The following CCDC171 variants were observed in gnomAD, a reference collection of about 807,000 sequenced individuals.
The protein encoded by CCDC171 is coiled-coil domain containing 171, also known as coiled-coil domain-containing protein 171.
CCDC171 carries 177 observed loss-of-function variants against 168.2 expected under a neutral mutation model. That is an observed-to-expected ratio of 1.05 (90% CI 0.93 to 1.19). The LOEUF (loss-of-function observed/expected upper bound fraction) is 1.19. Among genes scored for constraint, CCDC171 ranks in the 50% most tolerant of loss-of-function variants. CCDC171 has a pLI of 0.00. For synonymous variants in CCDC171, 687 were observed against 540.8 expected, an observed-to-expected ratio of 1.27 and a Z score of -3.75; for missense variants, 1,991 against 1,539.0, an observed-to-expected ratio of 1.29 and a Z score of -4.91.
intron 24 of CCDC171, among the ~76,000 whole-genome samples, chr9:15,894,743 A>C (rs1039101739): frequency 2.0e-5 from 3 of 151,974 alleles, no homozygotes; most frequent in African/African-American, 7.2e-5. Context: ...TCACTCCTTC[A>C]CTTCATTTAT....
chr9:15,905,172 C>G (rs11521290), intron 24 of CCDC171, among the ~76,000 whole-genome samples: 10 of 143,750 alleles, frequency 7.0e-5, no homozygotes, highest in African/African-American at 1.8e-4. Context: ...CCAAGCAGAC[C>G]TAATAGACAT....
At chr9:16,070,910 G>A in the CCDC171 span, among the ~76,000 whole-genome samples, 1 of 152,168 alleles carries the variant, frequency 6.6e-6, no homozygotes, top group Non-Finnish European at 1.5e-5. Context: ...TTTGGATGGG[G>A]GATTTTTGGC....
intron 24 of CCDC171, among the ~76,000 whole-genome samples, chr9:15,896,242 A>C (rs184879327): frequency 1.7e-4 from 26 of 152,118 alleles, no homozygotes; most frequent in Non-Finnish European, 3.5e-4. Context: ...TGGCACATTT[A>C]AGTTGTATAT....
chr9:15,884,311 C>T (rs568185486), intron 24 of CCDC171, among the ~76,000 whole-genome samples: 3 of 152,148 alleles, frequency 2.0e-5, no homozygotes, highest in South Asian at 4.2e-4. Context: ...AAAATTAAAT[C>T]GCACTAATAA....
At chr9:16,098,210 A>C in the CCDC171 span, among the ~76,000 whole-genome samples, 1 of 152,148 alleles carries the variant, frequency 6.6e-6, no homozygotes, top group Non-Finnish European at 1.5e-5. Context: ...CTAATGCATA[A>C]AATGGGGCTA....
At chr9:15,754,524 C>T (rs1056935885) in intron 18 of CCDC171, among the ~76,000 whole-genome samples, 4 of 152,032 alleles carry the variant, frequency 2.6e-5, no homozygotes, top group East Asian at 1.9e-4. Flanking sequence ...AGCACACATG[C>T]GCATACACAC....
chr9:15,659,822 G>T (rs993416233), intron 8 of CCDC171, among the ~76,000 whole-genome samples: 1 of 152,086 alleles, frequency 6.6e-6, no homozygotes, highest in South Asian at 2.1e-4. Context: ...AAAAGTTATT[G>T]CCTTGATTTA....
chr9:15,629,119 A>G lies in CCDC171; in HGVS notation c.822+5706A>G, dbSNP rs527594370. Among the ~76,000 whole-genome samples the G allele has an allele frequency of 1.2e-4, 18 of 152,316 alleles. No homozygotes were observed. In the East Asian group the frequency reaches 3.5e-3, roughly 29 times the overall value. ...AAAAACTGGAAACTCTAAAAAGCAG[A>G]GCGCCTCTCCTCCTCCAAAGGAATG... On this transcript the variant is annotated intron_variant, in intron 7 of 25. Coordinates refer to ENST00000380701, the MANE Select transcript of CCDC171 (RefSeq NM_173550.4).
At chr9:16,105,126 TAC>T in the CCDC171 span, among the ~76,000 whole-genome samples, 3 of 152,230 alleles carry the variant, frequency 2.0e-5, no homozygotes, top group East Asian at 3.8e-4. Context: ...GCTGTTAGGC[TAC>T]AGACTTCAAA....
intron 9 of CCDC171, among the ~76,000 whole-genome samples, chr9:15,673,105 C>G (rs1006545728): frequency 1.3e-5 from 2 of 152,094 alleles, no homozygotes; most frequent in Non-Finnish European, 2.9e-5. Flanking sequence ...GTATTTGATT[C>G]TCTTTGTAGC....
intron 24 of CCDC171, among the ~76,000 whole-genome samples, chr9:15,917,929 G>T (rs906863216): frequency 4.6e-5 from 7 of 151,644 alleles, no homozygotes; most frequent in African/African-American, 7.2e-5. Context: ...ATTTCAGATT[G>T]TCTCATTTAG....
intron 23 of CCDC171, among the ~76,000 whole-genome samples, chr9:15,866,436 A>G (rs1179724592): frequency 6.6e-6 from 1 of 151,980 alleles, no homozygotes; most frequent in African/African-American, 2.4e-5. Flanking sequence ...CTTATTCAGC[A>G]AAGTGGCATA....
At chr9:15,669,917 A>G (rs1024999324) in intron 9 of CCDC171, among the ~76,000 whole-genome samples, 3 of 151,320 alleles carry the variant, frequency 2.0e-5, no homozygotes, top group East Asian at 1.9e-4. Flanking sequence ...ATTTGTTAAA[A>G]TACCCTGTTA....
intron 21 of CCDC171, among the ~76,000 whole-genome samples, chr9:15,813,622 GTA>G (rs1364927967): frequency 4.5e-4 from 68 of 150,912 alleles, no homozygotes; most frequent in African/African-American, 1.2e-3. Context: ...GTGTGTGTGT[GTA>G]TATATATATA....
chr9:15,618,791 G>A (rs117786641), intron 6 of CCDC171, among the ~76,000 whole-genome samples: 1 of 151,924 alleles, frequency 6.6e-6, no homozygotes, highest in African/African-American at 2.4e-5. Flanking sequence ...CTTCCAGGGT[G>A]AAGTGACGCC....
chr9:15,613,909 G>A (rs147846789), intron 6 of CCDC171, among the ~76,000 whole-genome samples: 52 of 152,334 alleles, frequency 3.4e-4, no homozygotes, highest in African/African-American at 1.2e-3. Flanking sequence ...TCTATAAAGT[G>A]TGTATTCTTT....
chr9:15,866,183 A>G (rs1246682586), intron 23 of CCDC171, among the ~76,000 whole-genome samples: 1 of 151,882 alleles, frequency 6.6e-6, no homozygotes, highest in African/African-American at 2.4e-5. Context: ...CATATAATGG[A>G]AGGAGTGGGG....
In CCDC171 at chr9:15,625,727, T is replaced by G. The variant is rs367604874; in HGVS notation, c.822+2314T>G. ...CTGTTTTGGTTACTGTAGCCTTGTA[T>G]TATAGTTTGAAGTCAGGTAGCGTGA... is the stretch of plus-strand genomic sequence containing the variant. On this transcript the variant is annotated intron_variant, in intron 7 of 25. Transcript: ENST00000380701. 2.3e-4 allele frequency among the ~76,000 whole-genome samples: 35 copies of G among 152,244 alleles called. 1 individual carries two copies. In the Middle Eastern group the frequency reaches 0.024, roughly 104 times the overall value.
At chr9:15,952,323 A>C (rs1314308869) in intron 25 of CCDC171, among the ~76,000 whole-genome samples, 1 of 152,128 alleles carries the variant, frequency 6.6e-6, no homozygotes, top group African/African-American at 2.4e-5. Flanking sequence ...GAGTCCTCCA[A>C]CTTTGTTCTC....
Sources: gnomAD v4.1 joint callset for allele counts (sites outside exome capture counted in the v4.1 genomes callset) on GRCh38, gnomAD v4.1.1 for gene constraint, MANE v1.5 for transcripts, NCBI Gene and HGNC (gene_info 2026-07-23, HGNC 2026-07-21) for gene names.